The following COL21A1 variants were observed in gnomAD, a reference collection of about 807,000 sequenced individuals.
COL21A1 encodes collagen alpha-1(XXI) chain.
A neutral mutation model predicts 137.9 loss-of-function variants in COL21A1; 149 were observed. The observed-to-expected ratio is 1.08, with a 90% CI of 0.95 to 1.24. The LOEUF is 1.24. COL21A1 is among the 50% of genes most tolerant of loss of function. COL21A1 has a pLI of 0.00. For synonymous variants in COL21A1, 456 were observed against 391.5 expected (o/e 1.16, Z -1.95); for missense variants, 1,167 against 1,158.4 (o/e 1.01, Z -0.11).
chr6:56,377,111 G>A, intron 1 of COL21A1, among the ~76,000 whole-genome samples: 1 of 151,492 alleles, frequency 6.6e-6, no homozygotes, highest in East Asian at 1.9e-4. Flanking sequence ...CCGAGTAGCT[G>A]GGACTACAGG....
chr6:56,157,221 G>C (rs898434308), intron 9 of COL21A1, among the ~76,000 whole-genome samples: 3 of 151,756 alleles, frequency 2.0e-5, no homozygotes, highest in Non-Finnish European at 2.9e-5. Context: ...CACATTTATG[G>C]TAGGATACAT....
Position 56,057,704 on chromosome 6 carries a change from TA to T in COL21A1, c.2826del (p.Phe942LeufsTer3). 6.2e-7 allele frequency: 1 copy of T among 1,613,182 alleles called. No homozygotes were observed. The highest frequency in any genetic ancestry group is 8.5e-7 in the Non-Finnish European group (1 of 1,179,570). On this transcript the variant is annotated frameshift_variant, in exon 30 of 30. Coordinates refer to ENST00000244728, the MANE Select transcript of COL21A1 (RefSeq NM_030820.4). LOFTEE classifies it high-confidence loss of function. ...PPGICDPSLCFSVIARRDPFR... is the reference protein window; with the variant it reads ...PPGICDPSLCXSVIARRDPFR... ...AACGGATCTCTTCTGGCAATTACAC[TA>T]AAACATAGTGATGGGTCGCAGATGC...
intron 1 of COL21A1, among the ~76,000 whole-genome samples, chr6:56,393,057 A>G (rs918486474): frequency 2.6e-5 from 4 of 151,576 alleles, no homozygotes; most frequent in African/African-American, 9.7e-5. Flanking sequence ...TAGCAAAAAA[A>G]AAAAAAGAAA....
chr6:56,360,640 G>A (rs976204328), intron 1 of COL21A1, among the ~76,000 whole-genome samples: 1 of 152,048 alleles, frequency 6.6e-6, no homozygotes, highest in East Asian at 1.9e-4. Flanking sequence ...AAATACATAC[G>A]GTATCTTTCC....
At chr6:56,287,864 G>A (rs1763951623) in intron 1 of COL21A1, among the ~76,000 whole-genome samples, 1 of 152,040 alleles carries the variant, frequency 6.6e-6, no homozygotes. Context: ...GTGATGTGAT[G>A]TGAGAAGGAT....
intron 20 of COL21A1, among the ~76,000 whole-genome samples, chr6:56,072,362 T>C (rs1210046452): frequency 3.3e-5 from 5 of 151,498 alleles, no homozygotes; most frequent in African/African-American, 1.2e-4. Flanking sequence ...CATAGTATAG[T>C]TAAATAGGCT....
intron 1 of COL21A1, among the ~76,000 whole-genome samples, chr6:56,240,489 T>G (rs766087320): frequency 1.3e-5 from 2 of 152,218 alleles, no homozygotes; most frequent in Admixed American, 6.5e-5. Flanking sequence ...TAAAATGAAC[T>G]GAGATATACC....
intron 1 of COL21A1, among the ~76,000 whole-genome samples, chr6:56,369,152 CA>C (rs145362423): frequency 0.023 from 3,491 of 152,028 alleles, 84 homozygotes; most frequent in East Asian, 0.076. Flanking sequence ...AAATTCAATT[CA>C]AAACACTTAA....
chr6:56,296,805 T>G lies in COL21A1; in HGVS notation c.-39+97166A>C, dbSNP rs577272324. Among the ~76,000 whole-genome samples the G allele has an allele frequency of 2.7e-4, 41 of 152,136 alleles. 1 individual carries two copies. The highest frequency in any genetic ancestry group is 7.5e-4 in the African/African-American group (31 of 41,562). On this transcript the variant is annotated intron_variant, in intron 1 of 28. Coordinates refer to the COL21A1 transcript ENST00000370819. ...ATACCCACAAGTGTCCATAAAACACTTGAGAAATCATGTACTCTAGGCACT... is the reference window on the plus strand; with the variant it reads ...ATACCCACAAGTGTCCATAAAACACGTGAGAAATCATGTACTCTAGGCACT...
At chr6:56,108,881 A>G (rs186417907) in intron 16 of COL21A1, among the ~76,000 whole-genome samples, 2 of 151,894 alleles carry the variant, frequency 1.3e-5, no homozygotes, top group Non-Finnish European at 3.0e-5. Context: ...AATTATACAA[A>G]CATTCTCTGA....
Position 56,170,690 on chromosome 6 carries a change from T to A in COL21A1, c.985A>T (p.Asn329Tyr). 2.5e-6 allele frequency: 4 copies of A among 1,604,158 alleles called. No homozygotes were observed. Among genetic ancestry groups the A allele is most frequent in the Non-Finnish European group, 3.4e-6 (4 of 1,174,040 alleles). Residue 329 changes from asparagine (N) to tyrosine (Y), a missense_variant, in exon 5 of 30, where the codon AAT becomes TAT. By Grantham distance (143) the Asn-to-Tyr change is moderately radical. Coordinates refer to ENST00000244728, the MANE Select transcript of COL21A1 (RefSeq NM_030820.4). Reference protein sequence around the residue: ...ILLFTTTSVINGSQVVTFANP... With the variant: ...ILLFTTTSVIYGSQVVTFANP... ...GCAAAGGTAACCACTTGTGAGCCAT[T>A]AATTACGCTGGTTGTTGTAAATAAT... is the stretch of plus-strand genomic sequence containing the variant.
At chr6:56,363,812 G>C (rs1002770819) in intron 1 of COL21A1, among the ~76,000 whole-genome samples, 1 of 152,140 alleles carries the variant, frequency 6.6e-6, no homozygotes, top group African/African-American at 2.4e-5. Flanking sequence ...ACCCCCAAGG[G>C]GACTGTGCCT....
chr6:56,375,517 C>A (rs2093997401), intron 1 of COL21A1, among the ~76,000 whole-genome samples: 1 of 152,110 alleles, frequency 6.6e-6, no homozygotes, highest in Non-Finnish European at 1.5e-5. Context: ...CTAGTCACCT[C>A]CCCTTCTTCT....
chr6:56,197,386 G>C (rs1779091808), intron 1 of COL21A1, among the ~76,000 whole-genome samples: 2 of 152,056 alleles, frequency 1.3e-5, no homozygotes, highest in African/African-American at 4.8e-5. Context: ...ATAAGTTTAT[G>C]CACAGCAAAG....
At chr6:56,238,346 T>C (rs1330836196) in intron 1 of COL21A1, among the ~76,000 whole-genome samples, 1 of 150,606 alleles carries the variant, frequency 6.6e-6, no homozygotes, top group Non-Finnish European at 1.5e-5. Flanking sequence ...TGCATATCTA[T>C]ACTGTTACAG....
At chr6:56,110,825 C>G (rs1044646829) in intron 16 of COL21A1, among the ~76,000 whole-genome samples, 1 of 151,966 alleles carries the variant, frequency 6.6e-6, no homozygotes, top group Non-Finnish European at 1.5e-5. Context: ...ATAAAGAAAA[C>G]TCACATAAGT....
intron 1 of COL21A1, among the ~76,000 whole-genome samples, chr6:56,226,618 T>A (rs1278485288): frequency 6.6e-6 from 1 of 152,028 alleles, no homozygotes; most frequent in African/African-American, 2.4e-5. Flanking sequence ...AAGCCTAATT[T>A]GAGTCACACT....
chr6:56,081,548 A>AT (rs5876488), intron 17 of COL21A1, among the ~76,000 whole-genome samples: 23,006 of 151,592 alleles, frequency 0.15, 1,775 homozygotes, highest in Middle Eastern at 0.22. Flanking sequence ...TTTTTCAATT[A>AT]TTTTTTTTCC....
At chr6:56,096,418 T>G (rs62404893) in intron 17 of COL21A1, among the ~76,000 whole-genome samples, 1 of 152,112 alleles carries the variant, frequency 6.6e-6, no homozygotes, top group Non-Finnish European at 1.5e-5. Flanking sequence ...TCTTTAAACA[T>G]AGCAATTCAT....
Sources: allele counts gnomAD v4.1 joint callset (sites outside exome capture counted in the v4.1 genomes callset), GRCh38; gene constraint gnomAD v4.1.1; transcripts MANE v1.5; gene names NCBI Gene and HGNC (gene_info 2026-07-23, HGNC 2026-07-21).